RNF139: variants seen among roughly 807,000 people sequenced by gnomAD.
The protein encoded by RNF139 is E3 ubiquitin-protein ligase RNF139.
A neutral mutation model predicts 49.5 loss-of-function variants in RNF139; 15 were observed. The ratio of observed to expected loss-of-function variants is 0.30; its 90% CI spans 0.20 to 0.47. RNF139 has a LOEUF of 0.47. Ranked by LOEUF, RNF139 falls within the 20% of genes least tolerant of loss-of-function variation. RNF139 has a pLI of 1.00. For missense variants in RNF139, 619 were observed against 806.3 expected, an observed-to-expected ratio of 0.77 and a Z score of 2.81; for synonymous variants, 325 against 300.9, an observed-to-expected ratio of 1.08 and a Z score of -0.83.
intron 1 of RNF139, among the ~76,000 whole-genome samples, chr8:124,476,432 T>A (rs1816317141): frequency 6.6e-6 from 1 of 152,248 alleles, no homozygotes; most frequent in African/African-American, 2.4e-5. Context: ...TTGCTCTTGG[T>A]AGGCTGCCGC....
rs1816519471 is a variant in RNF139 at position 124,485,869 on chromosome 8, C to A, written c.220C>A (p.Arg74=). 6.2e-7 allele frequency: 1 copy of A among 1,612,950 alleles called. No individual in the cohort carries two copies. Among genetic ancestry groups the A allele is most frequent in the Admixed American group, 1.7e-5 (1 of 59,988 alleles). ...ASSIVLILSQ[R]SLFKFYTYSS... is the part of the protein sequence containing the mutation. ...CAGTATTGTTCTGATCTTGTCACAA[C>A]GATCACTTTTCAAGTTTTACACGTA... Residue 74 remains arginine (R), a synonymous_variant, in exon 2 of 2, where the codon CGA becomes AGA. Coordinates refer to ENST00000303545, the MANE Select transcript of RNF139 (RefSeq NM_007218.4).
intron 1 of RNF139, among the ~76,000 whole-genome samples, chr8:124,485,600 A>G (rs192327680): frequency 6.6e-6 from 1 of 151,170 alleles, no homozygotes; most frequent in Non-Finnish European, 1.5e-5. Flanking sequence ...TTTGGAAATT[A>G]GAAAGTAAGG....
At chr8:124,475,549 T>C (rs1297938979) in intron 1 of RNF139, among the ~76,000 whole-genome samples, 3 of 152,236 alleles carry the variant, frequency 2.0e-5, no homozygotes, top group African/African-American at 4.8e-5. Flanking sequence ...TGTGTGAGCA[T>C]GCAGCTCTTT....
At position 124,486,571 on chromosome 8, in the gene RNF139, G is replaced by A; in HGVS notation, c.922G>A (p.Gly308Arg). 1 of 1,614,174 alleles carries A rather than the reference G, an allele frequency of 6.2e-7. No homozygotes were observed. The highest frequency in any genetic ancestry group is 8.5e-7 in the Non-Finnish European group (1 of 1,180,036). ...CTCAGTAGCCCATTATTTGGGGCTT[G>A]GAATATTGGCCTTTATTGGATCAAC... ...ISSVAHYLGLGILAFIGSTEE... is the reference protein window; with the variant it reads ...ISSVAHYLGLRILAFIGSTEE... The change falls in exon 2 of 2, where the codon GGA becomes AGA. Residue 308 changes from glycine to arginine, a missense_variant. Gly to Arg is a moderately radical substitution (Grantham distance 125). This residue lies in a region of RNF139 where 530 missense variants were observed against 728.9 expected (regional missense o/e 0.73). Coordinates refer to ENST00000303545, the MANE Select transcript of RNF139 (RefSeq NM_007218.4).
intron 1 of RNF139, 112 bp from the exon 2 acceptor site, chr8:124,485,719 C>A: frequency 1.0e-6 from 1 of 962,090 alleles, no homozygotes; most frequent in Non-Finnish European, 1.5e-6. Flanking sequence ...GCTTAATGTT[C>A]ATAACTGAAA....
At chr8:124,485,797 T>A (rs1333668223) in intron 1 of RNF139, 34 bp from the exon 2 acceptor site, 1 of 1,510,172 alleles carries the variant, frequency 6.6e-7, no homozygotes, top group East Asian at 2.3e-5. Context: ...TTACAAATAC[T>A]TCATTCAAAT....
intron 1 of RNF139, among the ~76,000 whole-genome samples, chr8:124,478,152 C>A (rs898108940): frequency 4.8e-5 from 7 of 145,530 alleles, no homozygotes; most frequent in African/African-American, 1.5e-4. Context: ...AAAAAAAAAA[C>A]AAAACAAAAC....
Position 124,486,068 on chromosome 8 carries a change from G to C in RNF139, c.419G>C (p.Gly140Ala). Reference protein sequence around the residue: ...LIVLQLTFGIGYVTLLQIHSI... With the variant: ...LIVLQLTFGIAYVTLLQIHSI... ...GTTCTACAGCTAACATTTGGAATTG[G>C]ATACGTTACACTACTCCAGATTCAT... Residue 140 changes from glycine (G) to alanine (A), a missense_variant, in exon 2 of 2, where the codon GGA becomes GCA. Gly to Ala is a moderately conservative substitution (Grantham distance 60, BLOSUM62 0). Transcript: ENST00000303545. 1 of 1,614,130 alleles carries C rather than the reference G, an allele frequency of 6.2e-7. No homozygotes were observed. The highest frequency in any genetic ancestry group is 8.5e-7 in the Non-Finnish European group (1 of 1,180,016).
chr8:124,485,791 A>G, intron 1 of RNF139, 40 bp from the exon 2 acceptor site: 1 of 1,486,454 alleles, frequency 6.7e-7, no homozygotes, highest in African/African-American at 1.4e-5. Context: ...ACATTCTTAC[A>G]AATACTTCAT....
chr8:124,475,327 A>G lies in RNF139; in HGVS notation c.181+37A>G, dbSNP rs373150979. On this transcript the variant is annotated intron_variant, in intron 1 of 1. Transcript: ENST00000303545. ...GGGTACCGTACGTCCCGGGACGGCT[A>G]TGCGGGCCGAGACGTTCCCCGGGGA... is the stretch of plus-strand genomic sequence containing the variant. The G allele has an allele frequency of 6.0e-5, 95 of 1,581,608 alleles. No homozygotes were observed. The African/African-American group carries it at 8.4e-4, about 14-fold the overall frequency.
At chr8:124,485,260 A>T (rs1300288771) in intron 1 of RNF139, among the ~76,000 whole-genome samples, 5 of 152,150 alleles carry the variant, frequency 3.3e-5, no homozygotes, top group Non-Finnish European at 7.4e-5. Flanking sequence ...GTTACTTGGG[A>T]GGCTGGGGCA....
intron 1 of RNF139, among the ~76,000 whole-genome samples, chr8:124,479,735 G>C (rs1309945649): frequency 6.6e-6 from 1 of 152,096 alleles, no homozygotes. Context: ...AAATAGATTA[G>C]TACTTAGCCT....
chr8:124,487,382 T>G lies in RNF139; in HGVS notation c.1733T>G (p.Ile578Ser), dbSNP rs1468568638. 1.2e-6 allele frequency: 2 copies of G among 1,614,076 alleles called. No individual in the cohort carries two copies. Among genetic ancestry groups the G allele is most frequent in the Non-Finnish European group, 1.7e-6 (2 of 1,180,032 alleles). Reference protein sequence around the residue: ...HALCLRKWLYIQDTCPMCHQK... With the variant: ...HALCLRKWLYSQDTCPMCHQK... ...CTTTGCCTTCGGAAATGGCTGTACA[T>G]TCAAGATACTTGTCCAATGTGCCAT... The change falls in exon 2 of 2, where the codon ATT becomes AGT. Residue 578 changes from isoleucine (I) to serine (S), a missense_variant. Physicochemically the swap from Ile to Ser is moderately radical, Grantham distance 142 (BLOSUM62 -2). This residue lies in a region of RNF139 where 530 missense variants were observed against 728.9 expected (regional missense o/e 0.73). Transcript: ENST00000303545.
chr8:124,487,534 T>C lies in RNF139; in HGVS notation c.1885T>C (p.Leu629=), dbSNP rs1347606836. 1.9e-6 allele frequency: 3 copies of C among 1,613,986 alleles called. No homozygotes were observed. Among genetic ancestry groups the C allele is most frequent in the Non-Finnish European group, 2.5e-6 (3 of 1,180,020 alleles). Reference sequence around the variant, plus strand: ...AGCTGCTGCTGAATCTGACAGGGAATTGAACGAAGATGACAGTACAGATTG... The same window carrying C: ...AGCTGCTGCTGAATCTGACAGGGAACTGAACGAAGATGACAGTACAGATTG... The part of the protein sequence containing the change: ...REAAAESDRE[L]NEDDSTDCDD... The change falls in exon 2 of 2, where the codon TTG becomes CTG. Residue 629 remains leucine, a synonymous_variant. Transcript: ENST00000303545.
At chr8:124,480,571 G>T (rs370600037) in intron 1 of RNF139, among the ~76,000 whole-genome samples, 6 of 151,926 alleles carry the variant, frequency 3.9e-5, no homozygotes, top group Admixed American at 3.3e-4. Flanking sequence ...AGGAGAAGGG[G>T]CGTGGAGCTT....
intron 1 of RNF139, among the ~76,000 whole-genome samples, chr8:124,484,956 C>T (rs1554601362): frequency 6.6e-6 from 1 of 151,984 alleles, no homozygotes; most frequent in Non-Finnish European, 1.5e-5. Flanking sequence ...GGAGAATGCT[C>T]AGAGTTAAGG....
rs9969474 is a variant in RNF139, at chr8:124,476,321, T to G, written c.181+1031T>G. Among the ~76,000 whole-genome samples the G allele has an allele frequency of 2.9e-3, 440 of 152,354 alleles. 1 individual carries two copies. The highest frequency in any genetic ancestry group is 9.9e-3 in the African/African-American group (410 of 41,582). The stretch of plus-strand genomic sequence containing the variant: ...TTTTCCTTTTGCAAAGCATTTTCAC[T>G]GGTAGGTATTATCTAACCTAACCTT... On this transcript the variant is annotated intron_variant, in intron 1 of 1. Transcript: ENST00000303545.
Position 124,486,846 on chromosome 8 carries a change from G to C in RNF139, c.1197G>C (p.Leu399=). The C allele has an allele frequency of 6.2e-7, 1 of 1,613,686 alleles. No homozygotes were observed. The highest frequency in any genetic ancestry group is 8.5e-7 in the Non-Finnish European group (1 of 1,179,952). ...HFPVLFVSAC[L]FILPVLLSYV... is the part of the protein sequence containing the mutation. ...CTGTGCTGTTTGTCTCTGCTTGCCT[G>C]TTTATTCTTCCTGTCTTACTCAGTT... Residue 399 remains leucine (L), a synonymous_variant, in exon 2 of 2, where the codon CTG becomes CTC. Transcript: ENST00000303545.
chr8:124,484,848 G>T (rs1022743908), intron 1 of RNF139, among the ~76,000 whole-genome samples: 7 of 151,918 alleles, frequency 4.6e-5, no homozygotes, highest in Non-Finnish European at 1.0e-4. Flanking sequence ...ACTATTTTAA[G>T]AAACAGATTC....
Sources: gnomAD v4.1 joint callset for allele counts (sites outside exome capture counted in the v4.1 genomes callset) on GRCh38, gnomAD v4.1.1 for gene constraint, gnomAD v4.1.1 regional missense constraint, MANE v1.5 for transcripts, NCBI Gene and HGNC (gene_info 2026-07-23, HGNC 2026-07-21) for gene names.